FOXK1: variants seen among roughly 807,000 people sequenced by gnomAD.
FOXK1 encodes the protein forkhead box K1.
A neutral mutation model predicts 51.9 loss-of-function variants in FOXK1; 19 were observed. The ratio of observed to expected loss-of-function variants is 0.37; its 90% confidence interval spans 0.26 to 0.54. The LOEUF is 0.54. FOXK1 is among the 20% of genes least tolerant of loss of function. The pLI is 0.87. For synonymous variants in FOXK1, 537 were observed against 482.6 expected, an observed-to-expected ratio of 1.11 and a Z score of -1.48; for missense variants, 870 against 1,032.7, an observed-to-expected ratio of 0.84 and a Z score of 2.16.
At position 4,740,819 on chromosome 7, in the gene FOXK1, G is replaced by C. The variant is rs756214264; in HGVS notation, c.561-19G>C. ...GAGTCTCCTCCTGCACCTCACACCC[G>C]CTCCTCCTCCTGTTGCAGGTGTACC... is the stretch of plus-strand genomic sequence containing the variant. On this transcript the variant is annotated intron_variant, in intron 1 of 8. Transcript: ENST00000328914. 9 of 1,587,338 alleles carry C rather than the reference G, an allele frequency of 5.7e-6. No individual in the cohort carries two copies. The highest frequency in any genetic ancestry group is 7.7e-6 in the Non-Finnish European group (9 of 1,168,888).
At chr7:4,721,589 C>CTTTTTT (rs200132324) in intron 1 of FOXK1, among the ~76,000 whole-genome samples, 13 of 112,642 alleles carry the variant, frequency 1.2e-4, no homozygotes, top group Middle Eastern at 5.2e-3. Flanking sequence ...TCTTTTTTTT[C>CTTTTTT]TTTTTTTTTT....
At position 4,743,042 on chromosome 7, in the gene FOXK1, C is replaced by A. The variant is rs1164716062; in HGVS notation, c.746+2019C>A. ...ACTTCAGCCCCCCACCTTCCCGGGC[C>A]CGGTTCCCGTCTGAGTCAGTGCTGT... is the stretch of plus-strand genomic sequence containing the variant. On this transcript the variant is annotated intron_variant, in intron 2 of 8. Transcript: ENST00000328914. This position sits in a 1 kb window ranked among gnomAD's most constrained non-coding sequence, Gnocchi z 5.3. Among the ~76,000 whole-genome samples the A allele has an allele frequency of 6.6e-6, 1 of 152,178 alleles. No homozygotes were observed. The highest frequency in any genetic ancestry group is 2.4e-5 in the African/African-American group (1 of 41,430).
At chr7:4,699,959 A>G (rs959340424) in intron 1 of FOXK1, among the ~76,000 whole-genome samples, 6 of 152,188 alleles carry the variant, frequency 3.9e-5, no homozygotes, top group Non-Finnish European at 7.4e-5. Flanking sequence ...AGGACCTCCA[A>G]ATAACATTGA....
chr7:4,746,301 T>C (rs575767832), intron 2 of FOXK1, among the ~76,000 whole-genome samples: 1 of 152,230 alleles, frequency 6.6e-6, no homozygotes, highest in Non-Finnish European at 1.5e-5. Flanking sequence ...TTTTGTAAAG[T>C]TAGAGGTCTT....
rs1780689065 is a variant in FOXK1, at chr7:4,745,357, T to C, written c.746+4334T>C. ...CGGCTTTTTCCTGGGGGAGCCTCCC[T>C]GATCAGCTGCCCCTGCCCCCGCCCC... is the stretch of plus-strand genomic sequence containing the variant. On this transcript the variant is annotated intron_variant, in intron 2 of 8. Coordinates refer to ENST00000328914, the MANE Select transcript of FOXK1 (RefSeq NM_001037165.2). This position sits in a 1 kb window ranked among gnomAD's most constrained non-coding sequence, Gnocchi z 4.3. Among the ~76,000 whole-genome samples, 2 of 151,894 alleles carry C rather than the reference T, an allele frequency of 1.3e-5. No individual in the cohort carries two copies. Among genetic ancestry groups the C allele is most frequent in the African/African-American group, 4.8e-5 (2 of 41,354 alleles).
chr7:4,719,121 T>G (rs1434140364), intron 1 of FOXK1, among the ~76,000 whole-genome samples: 4 of 65,852 alleles, frequency 6.1e-5, no homozygotes, highest in Admixed American at 1.1e-4. Flanking sequence ...GTTTTTTTTG[T>G]TTTTTTTTTG....
chr7:4,690,987 G>A (rs1015336202), intron 1 of FOXK1, among the ~76,000 whole-genome samples: 4 of 152,226 alleles, frequency 2.6e-5, no homozygotes, highest in African/African-American at 4.8e-5. Context: ...CCCCTGCATC[G>A]TGACTTGTTG....
rs146939203 is a variant in FOXK1, at chr7:4,755,329, C to T, written c.996C>T (p.Tyr332=). ...QDRQLTLSGI[Y]AHITKHYPYY... is the part of the protein sequence containing the mutation. ...GGCAGCTGACCCTGAGCGGGATCTA[C>T]GCCCACATCACCAAGCATTACCCCT... Residue 332 remains tyrosine, a synonymous_variant, in exon 4 of 9, where the codon TAC becomes TAT. Coordinates refer to ENST00000328914, the MANE Select transcript of FOXK1 (RefSeq NM_001037165.2). This position sits in a 1 kb window ranked among gnomAD's most constrained non-coding sequence, Gnocchi z 6.6. 2.6e-5 allele frequency: 42 copies of T among 1,613,710 alleles called. No homozygotes were observed. The highest frequency in any genetic ancestry group is 1.7e-4 in the African/African-American group (13 of 74,936).
At chr7:4,713,256 A>T (rs1782167587) in intron 1 of FOXK1, among the ~76,000 whole-genome samples, 1 of 152,140 alleles carries the variant, frequency 6.6e-6, no homozygotes, top group Non-Finnish European at 1.5e-5. Flanking sequence ...TTCTGTACTG[A>T]TCGTAACAGT....
At chr7:4,737,737 C>G (rs1780574669) in intron 1 of FOXK1, among the ~76,000 whole-genome samples, 1 of 152,208 alleles carries the variant, frequency 6.6e-6, no homozygotes, top group African/African-American at 2.4e-5. Context: ...TCCTCAGACA[C>G]CAGCTTGGGT....
intron 2 of FOXK1, among the ~76,000 whole-genome samples, chr7:4,744,671 G>C (rs903391021): frequency 6.6e-6 from 1 of 152,240 alleles, no homozygotes; most frequent in Non-Finnish European, 1.5e-5. Context: ...GCTGGGTGGC[G>C]GCCTCCTGTG....
intron 1 of FOXK1, among the ~76,000 whole-genome samples, chr7:4,708,039 G>C (rs1447732445): frequency 2.0e-5 from 3 of 151,858 alleles, no homozygotes; most frequent in Admixed American, 2.0e-4. Flanking sequence ...GTGCCCTGGT[G>C]CTGGGGTACC....
At chr7:4,741,979 C>A (rs1434863841) in intron 2 of FOXK1, among the ~76,000 whole-genome samples, 3 of 152,256 alleles carry the variant, frequency 2.0e-5, no homozygotes, top group Non-Finnish European at 4.4e-5. Context: ...TTCATACATT[C>A]TTTAATGATT....
intron 1 of FOXK1, among the ~76,000 whole-genome samples, chr7:4,732,731 T>C (rs1780494191): frequency 6.6e-6 from 1 of 152,232 alleles, no homozygotes; most frequent in Non-Finnish European, 1.5e-5. Flanking sequence ...TCTGAGCTGC[T>C]ATTCACTGAG....
Position 4,682,643 on chromosome 7 carries a change from G to T in FOXK1, c.335G>T (p.Arg112Leu). The change falls in exon 1 of 9, where the codon CGC becomes CTC. Residue 112 changes from arginine (R) to leucine (L), a missense_variant. By Grantham distance (102) the Arg-to-Leu change is moderately radical. This residue lies in a region of FOXK1 where 399 missense variants were observed against 475.6 expected (regional missense o/e 0.84). Transcript: ENST00000328914. This position sits in a 1 kb window ranked among gnomAD's most constrained non-coding sequence, Gnocchi z 7.6. ...PGPALARLEG[R>L]EFEFLMRQPS... ...CCGGCGCTGGCGCGGCTGGAGGGCCGCGAGTTCGAGTTCCTCATGCGCCAG... is the reference window on the plus strand; with the variant it reads ...CCGGCGCTGGCGCGGCTGGAGGGCCTCGAGTTCGAGTTCCTCATGCGCCAG... The T allele has an allele frequency of 6.4e-7, 1 of 1,551,238 alleles. No homozygotes were observed. The highest frequency in any genetic ancestry group is 8.6e-7 in the Non-Finnish European group (1 of 1,156,836).
In FOXK1 at chr7:4,757,196, C is replaced by G. The variant is rs113434063; in HGVS notation, c.1244+9C>G. ...GGGCCTCTGTCCTCAAGGTAAAGTT[C>G]TCTGAGCGCCCGTCCTCCAGCTGTT... is the stretch of plus-strand genomic sequence containing the variant. On this transcript the variant is annotated intron_variant, in intron 5 of 8. Transcript: ENST00000328914. 23 of 1,582,112 alleles carry G rather than the reference C, an allele frequency of 1.5e-5. No individual in the cohort carries two copies. In the African/African-American group the frequency reaches 2.3e-4, roughly 16 times the overall value.
intron 1 of FOXK1, among the ~76,000 whole-genome samples, chr7:4,720,708 C>CT (rs147233214): frequency 2.5e-3 from 368 of 144,596 alleles, no homozygotes; most frequent in African/African-American, 7.2e-3. Flanking sequence ...TAGCTTTTTA[C>CT]TTTTTTTTTT....
chr7:4,740,018 G>A (rs1452682737), intron 1 of FOXK1, among the ~76,000 whole-genome samples: 2 of 152,192 alleles, frequency 1.3e-5, no homozygotes, highest in Non-Finnish European at 2.9e-5. Context: ...CTGACGGCTG[G>A]GCACAATGGC....
intron 2 of FOXK1, among the ~76,000 whole-genome samples, chr7:4,742,135 G>A (rs181445992): frequency 7.2e-5 from 11 of 152,350 alleles, no homozygotes; most frequent in Non-Finnish European, 1.5e-5. Context: ...CGTCGCTCGC[G>A]CGTCACCAGC....
Sources: gnomAD v4.1 joint callset for allele counts (sites outside exome capture counted in the v4.1 genomes callset) on GRCh38, gnomAD v4.1.1 for gene constraint, gnomAD v4.1.1 regional missense constraint, Gnocchi (gnomAD v3.1) non-coding constraint, MANE v1.5 for transcripts, NCBI Gene and HGNC (gene_info 2026-07-23, HGNC 2026-07-21) for gene names.